The following WFDC5 variants were observed in gnomAD, a reference collection of about 807,000 sequenced individuals.
WFDC5 encodes WAP four-disulfide core domain protein 5.
WFDC5 carries 15 observed loss-of-function variants against 15.7 expected under a neutral mutation model. That is an observed-to-expected ratio of 0.96 (90% confidence interval 0.64 to 1.47). The LOEUF (loss-of-function observed/expected upper bound fraction) is 1.47, where lower values mean the gene tolerates loss of function less well. Ranked by LOEUF, WFDC5 falls within the 40% of genes most tolerant of loss-of-function variation. The pLI, the probability that WFDC5 is intolerant of heterozygous loss-of-function variation, is 0.00. For missense variants in WFDC5, 280 were observed against 258.0 expected (o/e 1.09, Z -0.59); for synonymous variants, 109 against 107.7 (o/e 1.01, Z -0.07).
chr20:45,115,203 T>A, upstream of WFDC5: 1 of 907,040 alleles, frequency 1.1e-6, no homozygotes, highest in Non-Finnish European at 1.6e-6. Flanking sequence ...CCGTGCCTGC[T>A]TCATCTTGGC....
chr20:45,115,057 CAGG>C (rs753309941), exon 1 of WFDC5: 2 of 1,613,514 alleles, frequency 1.2e-6, no homozygotes, highest in Non-Finnish European at 1.7e-6. Context: ...GGAGGGCCCC[CAGG>C]AGGAGAAGGC....
exon 4 of WFDC5, chr20:45,109,678 T>C (rs1194583388): frequency 2.9e-6 from 2 of 698,556 alleles, no homozygotes; most frequent in Non-Finnish European, 5.4e-6. Context: ...AGGGTCTGCC[T>C]GAATTGGGCA....
chr20:45,116,168 A>G (rs1378785119), upstream of WFDC5, among the ~76,000 whole-genome samples: 2 of 152,238 alleles, frequency 1.3e-5, no homozygotes, highest in South Asian at 2.1e-4. Flanking sequence ...GGCTTGTCTC[A>G]CTTACCCATT....
chr20:45,115,839 TCCA>T (rs1425154781), upstream of WFDC5, among the ~76,000 whole-genome samples: 1 of 152,158 alleles, frequency 6.6e-6, no homozygotes, highest in Non-Finnish European at 1.5e-5. Context: ...TGTCATCTCA[TCCA>T]GGGACCCCCA....
chr20:45,109,802 C>T (rs769039887), exon 4 of WFDC5: 2 of 755,016 alleles, frequency 2.6e-6, no homozygotes, highest in Admixed American at 2.0e-5. Context: ...TTCCTCCGAG[C>T]TCAGGCTATG....
exon 1 of WFDC5, chr20:45,115,088 C>A: frequency 6.2e-7 from 1 of 1,611,864 alleles, no homozygotes; most frequent in Non-Finnish European, 8.5e-7. Flanking sequence ...CCTCATATTT[C>A]TGCTGCCGGC....
intron 3 of WFDC5, 125 bp from the exon 4 acceptor site, chr20:45,110,138 C>A: frequency 7.2e-7 from 1 of 1,385,030 alleles, no homozygotes; most frequent in East Asian, 2.4e-5. Context: ...TCCTCTGCCC[C>A]CTTCAAAAGG....
chr20:45,111,700 T>C (rs144791383), intron 1 of WFDC5, among the ~76,000 whole-genome samples: 115 of 152,290 alleles, frequency 7.6e-4, no homozygotes, highest in Non-Finnish European at 1.5e-3. Context: ...TTTTGGGCCA[T>C]GTTCATATTT....
At chr20:45,116,150 T>C (rs1331527931), upstream of WFDC5, among the ~76,000 whole-genome samples, 1 of 152,098 alleles carries the variant, frequency 6.6e-6, no homozygotes, top group Non-Finnish European at 1.5e-5. Context: ...AGGAGGGTGA[T>C]ATTACAGGGC....
exon 3 of WFDC5, chr20:45,110,504 C>G (rs1568797171): frequency 5.6e-6 from 9 of 1,614,192 alleles, no homozygotes; most frequent in Non-Finnish European, 7.6e-6. Flanking sequence ...GGGGCTGAGG[C>G]AGCGCAGTTG....
intron 1 of WFDC5, among the ~76,000 whole-genome samples, chr20:45,112,991 GTATATAAA>G (rs949741443): frequency 2.0e-5 from 3 of 152,118 alleles, no homozygotes; most frequent in Admixed American, 6.5e-5. Context: ...ACACAGTTAT[GTATATAAA>G]TATATAAATA....
Position 45,110,403 on chromosome 20 carries a change from T to A in WFDC5, c.364A>T (p.Arg122Ter), listed in dbSNP as rs763061880. The A allele has an allele frequency of 6.2e-7, 1 of 1,601,928 alleles. No individual in the cohort carries two copies. Among genetic ancestry groups the A allele is most frequent in the South Asian group, 1.1e-5 (1 of 89,284 alleles). ...CCTGGGCACCCAGGAGCCGTACCTCTGGCAGGATCCCGGCAATCCCGCCCG... is the reference window on the plus strand; with the variant it reads ...CCTGGGCACCCAGGAGCCGTACCTCAGGCAGGATCCCGGCAATCCCGCCCG... The change falls in exon 3 of 4, where the codon AGA (arginine) becomes TGA (stop). Residue 122 changes from arginine to a stop codon, truncating the protein, a stop_gained. Coordinates refer to ENST00000307971, the Ensembl canonical transcript of WFDC5. LOFTEE classifies it low-confidence loss of function (END_TRUNC).
chr20:45,109,599 A>G (rs1387186743), exon 4 of WFDC5: 3 of 621,938 alleles, frequency 4.8e-6, no homozygotes, highest in African/African-American at 1.8e-5. Flanking sequence ...AAAGAGGTGA[A>G]TGACTGATGT....
exon 4 of WFDC5, chr20:45,109,526 A>G: frequency 1.8e-6 from 1 of 544,256 alleles, no homozygotes; most frequent in Non-Finnish European, 3.3e-6. Flanking sequence ...CATTAAGTAA[A>G]TGGTGGTACA....
exon 4 of WFDC5, chr20:45,109,614 A>G (rs1981550912): frequency 3.2e-6 from 2 of 627,804 alleles, no homozygotes; most frequent in East Asian, 5.5e-5. Flanking sequence ...TGATGTTTGG[A>G]AAACTCTGCA....
chr20:45,110,103 G>A, intron 3 of WFDC5, 90 bp from the exon 4 acceptor site: 1 of 1,529,450 alleles, frequency 6.5e-7, no homozygotes, highest in Non-Finnish European at 8.8e-7. Context: ...CACCAGCTCA[G>A]CTCTGGTTGC....
chr20:45,115,656 C>G (rs1480281351), upstream of WFDC5, among the ~76,000 whole-genome samples: 1 of 152,226 alleles, frequency 6.6e-6, no homozygotes, highest in South Asian at 2.1e-4. Flanking sequence ...AAGACCACCC[C>G]GCCTTTGGTG....
Position 45,115,054 on chromosome 20 carries a change from C to T in WFDC5, c.30G>A (p.Gly10=), listed in dbSNP as rs746574846. The change falls in exon 1 of 4, where the codon GGG becomes GGA. Residue 10 remains glycine, a synonymous_variant. Transcript: ENST00000307971. ...GCTGACTCCCCACAGCCAGGAGGGCCCCCAGGAGGAGAAGGCTCTGGGTCC... is the reference window on the plus strand; with the variant it reads ...GCTGACTCCCCACAGCCAGGAGGGCTCCCAGGAGGAGAAGGCTCTGGGTCC... The T allele has an allele frequency of 1.9e-6, 3 of 1,613,410 alleles. No individual in the cohort carries two copies. In the African/African-American group the frequency reaches 4.0e-5, roughly 22 times the overall value.
exon 3 of WFDC5, chr20:45,110,498 C>T (rs1455874482): frequency 1.2e-6 from 2 of 1,614,190 alleles, no homozygotes; most frequent in Non-Finnish European, 1.7e-6. Context: ...GTTCATGGGG[C>T]TGAGGCAGCG....
Sources: allele counts gnomAD v4.1 joint callset (sites outside exome capture counted in the v4.1 genomes callset), GRCh38; gene constraint gnomAD v4.1.1; transcripts MANE v1.5; gene names NCBI Gene and HGNC (gene_info 2026-07-23, HGNC 2026-07-21).